Variants in TRDN observed in about 807,000 individuals in gnomAD.
TRDN encodes the protein triadin in skeletal muscle.
TRDN carries 161 observed loss-of-function variants against 149.7 expected under a neutral mutation model. The ratio of observed to expected loss-of-function variants is 1.08; its 90% CI spans 0.95 to 1.23. The LOEUF (loss-of-function observed/expected upper bound fraction) is 1.23, where lower values mean the gene tolerates loss of function less well. Among genes scored for constraint, TRDN ranks in the 50% most tolerant of loss-of-function variants. The pLI, the probability that TRDN is intolerant of heterozygous loss-of-function variation, is 0.00. For missense variants in TRDN, 896 were observed against 823.5 expected (o/e 1.09, Z -1.08); for synonymous variants, 294 against 250.5 (o/e 1.17, Z -1.64).
At chr6:123,296,756 A>T (rs148692523) in intron 24 of TRDN, among the ~76,000 whole-genome samples, 14 of 152,116 alleles carry the variant, frequency 9.2e-5, no homozygotes, top group Admixed American at 2.0e-4. Flanking sequence ...TTTTGGAAAT[A>T]TGTTCTTAGG....
chr6:123,584,403 T>A (rs1016977857), intron 1 of TRDN, among the ~76,000 whole-genome samples: 1 of 149,008 alleles, frequency 6.7e-6, no homozygotes, highest in Non-Finnish European at 1.5e-5. Flanking sequence ...ATGCCTAGGC[T>A]AAAACAGTAA....
At chr6:123,263,792 C>T (rs759318902) in intron 33 of TRDN, among the ~76,000 whole-genome samples, 23 of 151,998 alleles carry the variant, frequency 1.5e-4, no homozygotes, top group Non-Finnish European at 2.6e-4. Flanking sequence ...AAGTTGAAGC[C>T]AATGCTTATT....
intron 6 of TRDN, among the ~76,000 whole-genome samples, chr6:123,515,410 C>A (rs1479368011): frequency 1.3e-5 from 2 of 151,780 alleles, no homozygotes; most frequent in Non-Finnish European, 1.5e-5. Context: ...GGAAAAAATA[C>A]AGTGGAAGAA....
At chr6:123,272,106 T>C (rs919813885) in intron 29 of TRDN, among the ~76,000 whole-genome samples, 1 of 151,928 alleles carries the variant, frequency 6.6e-6, no homozygotes, top group Non-Finnish European at 1.5e-5. Context: ...TGTATCACAG[T>C]TTTTTTAAAA....
intron 12 of TRDN, among the ~76,000 whole-genome samples, chr6:123,393,884 A>C (rs1772610363): frequency 6.6e-6 from 1 of 152,310 alleles, no homozygotes; most frequent in Non-Finnish European, 1.5e-5. Context: ...AATTTAAATC[A>C]TAAGATAAAG....
intron 10 of TRDN, among the ~76,000 whole-genome samples, chr6:123,443,717 T>C (rs4897237): frequency 0.53 from 77,411 of 144,904 alleles, 21,417 homozygotes; most frequent in East Asian, 0.82. Context: ...GGAAGGCATC[T>C]AGTTTCAGCT....
At chr6:123,368,250 T>C (rs1197986604) in intron 19 of TRDN, among the ~76,000 whole-genome samples, 1 of 152,184 alleles carries the variant, frequency 6.6e-6, no homozygotes, top group East Asian at 1.9e-4. Context: ...ACCCCAGTTC[T>C]TTTGAAGTAC....
intron 12 of TRDN, among the ~76,000 whole-genome samples, chr6:123,408,481 C>T (rs1228942982): frequency 6.6e-6 from 1 of 151,902 alleles, no homozygotes; most frequent in South Asian, 2.1e-4. Flanking sequence ...AGTTTGAGAC[C>T]AGCCTGGTCA....
chr6:123,293,963 G>A (rs1778100223), intron 24 of TRDN, among the ~76,000 whole-genome samples: 2 of 152,082 alleles, frequency 1.3e-5, no homozygotes, highest in South Asian at 4.1e-4. Context: ...GCAGCACCTT[G>A]GGGAGGCTTT....
At chr6:123,313,334 G>A (rs568104469) in intron 24 of TRDN, among the ~76,000 whole-genome samples, 45 of 152,038 alleles carry the variant, frequency 3.0e-4, no homozygotes, top group African/African-American at 1.1e-3. Context: ...TGCTGGAGAG[G>A]TGATATAGTC....
chr6:123,284,006 A>ATATATATATATATATATATATATATATGT (rs1427267027), intron 24 of TRDN, among the ~76,000 whole-genome samples: 1 of 119,528 alleles, frequency 8.4e-6, no homozygotes, highest in African/African-American at 3.5e-5. Context: ...ATATATATGT[A>ATATATATATATATATATATATATATATGT]ACAAACCTGC....
chr6:123,395,396 C>G (rs1198147102), intron 12 of TRDN, among the ~76,000 whole-genome samples: 2 of 152,084 alleles, frequency 1.3e-5, no homozygotes, highest in African/African-American at 4.8e-5. Context: ...CGGTCAGGTT[C>G]AGAAACATGC....
intron 26 of TRDN, among the ~76,000 whole-genome samples, chr6:123,276,908 G>A (rs966432200): frequency 5.3e-5 from 8 of 152,142 alleles, no homozygotes; most frequent in African/African-American, 1.9e-4. Flanking sequence ...GGAGAAGGCA[G>A]GGCTGTCAGC....
At chr6:123,229,736 T>C (rs910493073) in intron 38 of TRDN, among the ~76,000 whole-genome samples, 4 of 151,892 alleles carry the variant, frequency 2.6e-5, no homozygotes, top group Admixed American at 6.6e-5. Flanking sequence ...CTCTAATAAA[T>C]ATGGACTCTA....
intron 1 of TRDN, among the ~76,000 whole-genome samples, chr6:123,634,068 A>G (rs1786159875): frequency 6.6e-6 from 1 of 151,970 alleles, no homozygotes; most frequent in South Asian, 2.1e-4. Flanking sequence ...AATGGATGGA[A>G]AAGGTAATTG....
At chr6:123,610,385 G>A (rs1562424711) in intron 1 of TRDN, among the ~76,000 whole-genome samples, 2 of 152,078 alleles carry the variant, frequency 1.3e-5, no homozygotes, top group Admixed American at 6.6e-5. Context: ...TGTTGCCCAG[G>A]AAGAGCTTTG....
At chr6:123,452,562 A>G (rs1292480590) in intron 10 of TRDN, among the ~76,000 whole-genome samples, 1 of 152,108 alleles carries the variant, frequency 6.6e-6, no homozygotes. Flanking sequence ...AAAGACCTCT[A>G]CAAGGAAAAC....
At chr6:123,270,707 A>G (rs915303714) in intron 30 of TRDN, among the ~76,000 whole-genome samples, 1 of 152,014 alleles carries the variant, frequency 6.6e-6, no homozygotes, top group Non-Finnish European at 1.5e-5. Flanking sequence ...CTTTAAAGTT[A>G]TATAACCATA....
At chr6:123,499,719 A>AAAAAAAAAAATATATATATATATATAT in intron 8 of TRDN, among the ~76,000 whole-genome samples, 5 of 47,678 alleles carry the variant, frequency 1.0e-4, no homozygotes, top group East Asian at 5.2e-4. Flanking sequence ...AAAAAAAAAA[A>AAAAAAAAAAATATATATATATATATAT]ATATATATAT....
Sources: allele counts gnomAD v4.1 joint callset (sites outside exome capture counted in the v4.1 genomes callset), GRCh38; gene constraint gnomAD v4.1.1; transcripts MANE v1.5; gene names NCBI Gene and HGNC (gene_info 2026-07-23, HGNC 2026-07-21).